DLC1: variants seen among roughly 807,000 people sequenced by gnomAD.
DLC1 encodes the protein rho GTPase-activating protein 7.
A neutral mutation model predicts 140.3 loss-of-function variants in DLC1; 54 were observed. The ratio of observed to expected loss-of-function variants is 0.38; its 90% confidence interval spans 0.31 to 0.48. The LOEUF (loss-of-function observed/expected upper bound fraction) is 0.48. DLC1 is among the 20% of genes least tolerant of loss of function. The pLI is 0.96. For missense variants in DLC1, 2,536 were observed against 1,907.0 expected, an observed-to-expected ratio of 1.33 and a Z score of -6.14; for synonymous variants, 986 against 728.1, an observed-to-expected ratio of 1.35 and a Z score of -5.70.
intron 7 of DLC1, among the ~76,000 whole-genome samples, chr8:13,103,884 G>A (rs564314426): frequency 6.7e-6 from 1 of 149,524 alleles, no homozygotes; most frequent in East Asian, 2.0e-4. Flanking sequence ...AAAAGTTTGT[G>A]ATGTCTCCTT....
At chr8:13,355,412 C>T (rs1373108781) in intron 4 of DLC1, among the ~76,000 whole-genome samples, 4 of 152,138 alleles carry the variant, frequency 2.6e-5, no homozygotes, top group Non-Finnish European at 4.4e-5. Flanking sequence ...ACAAGCACTA[C>T]GTGACTAAAA....
At position 13,453,472 on chromosome 8, in the gene DLC1, ATATATATG is replaced by A. The variant is rs1338637729; in HGVS notation, c.1023+45569_1023+45576del. 2.2e-4 allele frequency among the ~76,000 whole-genome samples: 5 copies of A among 22,568 alleles called. 1 individual carries two copies. In the East Asian group the frequency reaches 3.7e-3, roughly 17 times the overall value. 14.8% of individuals were successfully genotyped at this position (22,568 alleles called of 152,430 possible). A position where few individuals can be genotyped will look rare whatever the true frequency, so the allele number is the denominator to read the frequency against. On this transcript the variant is annotated intron_variant, in intron 2 of 17. Transcript: ENST00000276297. ...TACATATATATATGTATATATATAC[ATATATATG>A]TATATATATACATATATATATGTAT...
At chr8:13,221,027 G>T (rs140586267) in intron 5 of DLC1, among the ~76,000 whole-genome samples, 316 of 152,274 alleles carry the variant, frequency 2.1e-3, no homozygotes, top group African/African-American at 6.8e-3. Context: ...CTTCTGCCAA[G>T]GGGGTACTAG....
chr8:13,570,055 C>G (rs138771453), intron 1 of DLC1, among the ~76,000 whole-genome samples: 10 of 152,230 alleles, frequency 6.6e-5, no homozygotes, highest in Non-Finnish European at 1.0e-4. Flanking sequence ...ACACACAAAT[C>G]TGTTCAAGTA....
intron 5 of DLC1, among the ~76,000 whole-genome samples, chr8:13,227,098 G>A (rs988265767): frequency 3.3e-5 from 5 of 152,240 alleles, no homozygotes; most frequent in Admixed American, 2.6e-4. Context: ...TGCTTGCCCA[G>A]GCTGGTCTCG....
At chr8:13,519,374 C>T (rs1486266156), upstream of DLC1, among the ~76,000 whole-genome samples, 2 of 152,096 alleles carry the variant, frequency 1.3e-5, no homozygotes, top group Non-Finnish European at 2.9e-5. Context: ...GTGATCCACC[C>T]GCCTTGGCCT....
chr8:13,435,070 G>A (rs1380008910), intron 2 of DLC1, among the ~76,000 whole-genome samples: 2 of 152,266 alleles, frequency 1.3e-5, no homozygotes, highest in East Asian at 1.9e-4. Flanking sequence ...AGTACATTAA[G>A]AGCCTTCTGG....
chr8:13,111,900 T>C (rs1056864478), intron 6 of DLC1, among the ~76,000 whole-genome samples: 4 of 152,140 alleles, frequency 2.6e-5, no homozygotes, highest in Admixed American at 6.5e-5. Flanking sequence ...TCCCAGCAGT[T>C]TGGGAGGCCC....
At chr8:13,598,082 C>T (rs1435424978) in intron 1 of DLC1, among the ~76,000 whole-genome samples, 5 of 151,032 alleles carry the variant, frequency 3.3e-5, no homozygotes, top group African/African-American at 4.9e-5. Context: ...TCAGTTTTCT[C>T]ATCCAGCAGA....
intron 4 of DLC1, chr8:13,342,314 A>G (rs946524525): frequency 2.0e-5 from 3 of 152,210 alleles, no homozygotes; most frequent in Non-Finnish European, 2.9e-5. Flanking sequence ...TGAAAAAATT[A>G]TCTATATGAT....
chr8:13,508,328 T>C (rs1802199866), intron 1 of DLC1, among the ~76,000 whole-genome samples: 1 of 152,354 alleles, frequency 6.6e-6, no homozygotes, highest in Non-Finnish European at 1.5e-5. Context: ...CTGATATCAC[T>C]GAGATCTTTC....
intron 2 of DLC1, among the ~76,000 whole-genome samples, chr8:13,453,430 A>G (rs1185274353): frequency 6.3e-5 from 2 of 31,548 alleles, no homozygotes; most frequent in Non-Finnish European, 1.1e-4. Context: ...ATATGTGTAT[A>G]TATATATGTA....
chr8:13,483,815 C>T (rs564340840), intron 2 of DLC1, among the ~76,000 whole-genome samples: 1 of 152,228 alleles, frequency 6.6e-6, no homozygotes, highest in African/African-American at 2.4e-5. Context: ...GGTGTGGTGG[C>T]TCACACCTGT....
At chr8:13,359,882 G>C (rs535717420) in intron 4 of DLC1, among the ~76,000 whole-genome samples, 9 of 152,284 alleles carry the variant, frequency 5.9e-5, no homozygotes, top group African/African-American at 1.9e-4. Context: ...GGCCATTATG[G>C]AATGAAAATC....
At chr8:13,290,798 G>A (rs535403223) in intron 5 of DLC1, among the ~76,000 whole-genome samples, 24 of 152,306 alleles carry the variant, frequency 1.6e-4, no homozygotes, top group African/African-American at 5.8e-4. Context: ...AAACACTGAG[G>A]AGGAAAGTGC....
At chr8:13,316,076 A>C (rs925667600) in intron 4 of DLC1, among the ~76,000 whole-genome samples, 6 of 152,210 alleles carry the variant, frequency 3.9e-5, no homozygotes, top group Admixed American at 3.3e-4. Context: ...CAAGAACAGC[A>C]CGCAGGTTGC....
chr8:13,230,599 T>G (rs1829001143), intron 5 of DLC1, among the ~76,000 whole-genome samples: 1 of 134,150 alleles, frequency 7.5e-6, no homozygotes, highest in South Asian at 2.4e-4. Flanking sequence ...TCTTTTTTCT[T>G]TTTTTTTTTT....
At position 13,383,539 on chromosome 8, in the gene DLC1, A is replaced by C. The variant is rs932397971; in HGVS notation, c.1314+10014T>G. On this transcript the variant is annotated intron_variant, in intron 4 of 17. Transcript: ENST00000276297. ...AGGCTAGTGCTTTTGCTTGCATTAG[A>C]GACATGGCACATTGTCACATTGTGG... Among the ~76,000 whole-genome samples the C allele has an allele frequency of 4.6e-5, 7 of 152,194 alleles. No homozygotes were observed. The South Asian group carries it at 1.4e-3, about 31-fold the overall frequency.
chr8:13,120,356 A>AAATATATATATATATAT, intron 5 of DLC1, among the ~76,000 whole-genome samples: 23 of 61,124 alleles, frequency 3.8e-4, no homozygotes, highest in Middle Eastern at 0.012. Flanking sequence ...AAAAAAAAAA[A>AAATATATATATATATAT]ATATATATAT....
Sources: gnomAD v4.1 joint callset for allele counts (sites outside exome capture counted in the v4.1 genomes callset) on GRCh38, gnomAD v4.1.1 for gene constraint, MANE v1.5 for transcripts, NCBI Gene and HGNC (gene_info 2026-07-23, HGNC 2026-07-21) for gene names.